ADAMTS12: variants seen among roughly 807,000 people sequenced by gnomAD.
ADAMTS12 encodes the protein ADAM metallopeptidase with thrombospondin type 1 motif 12.
A neutral mutation model predicts 167.8 loss-of-function variants in ADAMTS12; 118 were observed. The ratio of observed to expected loss-of-function variants is 0.70; its 90% CI spans 0.61 to 0.82. The LOEUF (loss-of-function observed/expected upper bound fraction) is 0.82. ADAMTS12 is among the 40% of genes least tolerant of loss of function. The pLI is 0.00. For synonymous variants in ADAMTS12, 704 were observed against 716.9 expected (o/e 0.98, Z 0.29); for missense variants, 1,916 against 1,998.8 (o/e 0.96, Z 0.79).
chr5:33,855,853 C>T (rs1049018928), intron 2 of ADAMTS12, among the ~76,000 whole-genome samples: 5 of 152,100 alleles, frequency 3.3e-5, no homozygotes, highest in Admixed American at 6.5e-5. Context: ...CAACCTCCGA[C>T]GTAGTTGGGA....
intron 3 of ADAMTS12, among the ~76,000 whole-genome samples, chr5:33,746,124 T>C (rs1405966139): frequency 6.6e-6 from 1 of 152,198 alleles, no homozygotes; most frequent in Non-Finnish European, 1.5e-5. Context: ...TGAAGCCACC[T>C]CTATTCACAA....
At chr5:33,783,565 A>G (rs1416556895) in intron 2 of ADAMTS12, among the ~76,000 whole-genome samples, 4 of 151,930 alleles carry the variant, frequency 2.6e-5, no homozygotes, top group Non-Finnish European at 5.9e-5. Flanking sequence ...GCCCCGCAGA[A>G]ATTAAAAGAA....
At chr5:33,681,239 A>AT (rs1260643352) in intron 5 of ADAMTS12, among the ~76,000 whole-genome samples, 3 of 152,140 alleles carry the variant, frequency 2.0e-5, no homozygotes, top group Non-Finnish European at 4.4e-5. Flanking sequence ...GAAAAAATGG[A>AT]TCCCCACTCC....
chr5:33,649,426 A>G, intron 8 of ADAMTS12, 128 bp downstream of exon 8: 1 of 1,211,230 alleles, frequency 8.3e-7, no homozygotes, highest in East Asian at 2.5e-5. Context: ...TTCTGATGCC[A>G]CCCTGACATG....
chr5:33,568,039 G>A (rs776572586), intron 19 of ADAMTS12, among the ~76,000 whole-genome samples: 1 of 152,158 alleles, frequency 6.6e-6, no homozygotes, highest in Admixed American at 6.5e-5. Context: ...TCCTGACACT[G>A]TGGTAAAGAT....
chr5:33,812,099 A>G (rs1327437582), intron 2 of ADAMTS12, among the ~76,000 whole-genome samples: 1 of 152,158 alleles, frequency 6.6e-6, no homozygotes, highest in African/African-American at 2.4e-5. Flanking sequence ...TAGCCTGGGC[A>G]ATAAAGAAAG....
intron 3 of ADAMTS12, among the ~76,000 whole-genome samples, chr5:33,698,661 G>A (rs960741286): frequency 8.5e-6 from 1 of 117,632 alleles, no homozygotes; most frequent in Non-Finnish European, 1.9e-5. Flanking sequence ...GTTAAGCACA[G>A]GTGCAGTGGC....
At chr5:33,714,740 A>C (rs953102746) in intron 3 of ADAMTS12, among the ~76,000 whole-genome samples, 1 of 152,110 alleles carries the variant, frequency 6.6e-6, no homozygotes, top group South Asian at 2.1e-4. Flanking sequence ...TGGAAGCTAA[A>C]AAAGTTGATC....
chr5:33,586,394 T>C (rs944570782), intron 18 of ADAMTS12, among the ~76,000 whole-genome samples: 1 of 152,206 alleles, frequency 6.6e-6, no homozygotes, highest in Non-Finnish European at 1.5e-5. Context: ...ATGAGGGCAT[T>C]GGCCCAGCCT....
chr5:33,745,347 G>C (rs911454370), intron 3 of ADAMTS12, among the ~76,000 whole-genome samples: 40 of 152,146 alleles, frequency 2.6e-4, no homozygotes, highest in African/African-American at 9.4e-4. Context: ...CAGAGTTGTG[G>C]GAAATGCCAG....
In ADAMTS12 at chr5:33,724,588, T is replaced by G. The variant is rs116783022; in HGVS notation, c.634+26816A>C. Among the ~76,000 whole-genome samples the G allele has an allele frequency of 2.4e-3, 359 of 151,630 alleles. 1 individual carries two copies. Among genetic ancestry groups the G allele is most frequent in the African/African-American group, 7.9e-3 (327 of 41,272 alleles). ...TTAATTTGAGATGGAGTCTCGCTCTTTCGCCCAGGTTGGACTGCAGCGGCG... is the reference window on the plus strand; with the variant it reads ...TTAATTTGAGATGGAGTCTCGCTCTGTCGCCCAGGTTGGACTGCAGCGGCG... On this transcript the variant is annotated intron_variant, in intron 3 of 23. Coordinates refer to ENST00000504830, the MANE Select transcript of ADAMTS12 (RefSeq NM_030955.4).
rs778380540 is a variant in ADAMTS12, at chr5:33,561,044, C to A, written c.4108G>T (p.Val1370Leu). ...CHLRPCAGWK[V>L]GNWSKCSRNC... ...TAAGTTACCTTGCTCCAGTTTCCCA[C>A]TTTCCAGCCAGCACAGGGACGGAGG... The change falls in exon 20 of 24, where the codon GTG becomes TTG. Residue 1370 changes from valine (V) to leucine (L), a missense_variant. Transcript: ENST00000504830. 1.9e-6 allele frequency: 3 copies of A among 1,614,036 alleles called. No individual in the cohort carries two copies. The highest frequency in any genetic ancestry group is 1.7e-5 in the Admixed American group (1 of 60,008).
chr5:33,808,626 T>C (rs146001126), intron 2 of ADAMTS12, among the ~76,000 whole-genome samples: 234 of 152,314 alleles, frequency 1.5e-3, no homozygotes, highest in African/African-American at 5.5e-3. Flanking sequence ...TCAGAGTGCA[T>C]TGCATATAAA....
At chr5:33,541,790 A>C (rs1215486593) in intron 22 of ADAMTS12, among the ~76,000 whole-genome samples, 2 of 152,212 alleles carry the variant, frequency 1.3e-5, no homozygotes, top group Non-Finnish European at 2.9e-5. Context: ...AAATGCTGAG[A>C]GATTTTGTCA....
Position 33,577,041 on chromosome 5 carries a change from T to C in ADAMTS12, c.2985A>G (p.Gln995=). 3 of 1,614,192 alleles carry C rather than the reference T, an allele frequency of 1.9e-6. No individual in the cohort carries two copies. The highest frequency in any genetic ancestry group is 2.5e-6 in the Non-Finnish European group (3 of 1,180,018). The change falls in exon 19 of 24, where the codon CAA becomes CAG. Residue 995 remains glutamine (Q), a synonymous_variant. Transcript: ENST00000504830. ...PNSRALCGLQ[Q]CPSSRRVLKP... is the part of the protein sequence containing the mutation. The stretch of plus-strand genomic sequence containing the variant: ...TCAGAACTCTCCGGCTAGAAGGGCA[T>C]TGCTGGAGGCCACACAGAGCTCGGC...
chr5:33,708,959 TA>T (rs1306459881), intron 3 of ADAMTS12, among the ~76,000 whole-genome samples: 2 of 150,146 alleles, frequency 1.3e-5, no homozygotes, highest in Non-Finnish European at 3.0e-5. Context: ...AAATAAAAAA[TA>T]AAAAAACAAA....
At chr5:33,684,331 G>T (rs1037697576) in intron 3 of ADAMTS12, among the ~76,000 whole-genome samples, 1 of 151,934 alleles carries the variant, frequency 6.6e-6, no homozygotes, top group African/African-American at 2.4e-5. Context: ...CCCAACAATG[G>T]GAACTTTCTC....
intron 10 of ADAMTS12, among the ~76,000 whole-genome samples, chr5:33,642,297 A>G (rs1367329593): frequency 1.3e-5 from 2 of 152,224 alleles, no homozygotes; most frequent in Non-Finnish European, 2.9e-5. Context: ...TATGCTTAGC[A>G]ACATAGTTGC....
At chr5:33,534,453 T>C (rs1744273649) in intron 23 of ADAMTS12, among the ~76,000 whole-genome samples, 2 of 152,184 alleles carry the variant, frequency 1.3e-5, no homozygotes, top group Non-Finnish European at 2.9e-5. Context: ...ACCAGATTTA[T>C]AGAGATGACC....
Sources: gnomAD v4.1 joint callset for allele counts (sites outside exome capture counted in the v4.1 genomes callset) on GRCh38, gnomAD v4.1.1 for gene constraint, MANE v1.5 for transcripts, NCBI Gene and HGNC (gene_info 2026-07-23, HGNC 2026-07-21) for gene names.